Variants in AGO2 observed in about 807,000 individuals in gnomAD.
AGO2 encodes argonaute RISC catalytic component 2, also known as protein argonaute-2.
AGO2 carries 5 observed loss-of-function variants against 102.3 expected under a neutral mutation model. The ratio of observed to expected loss-of-function variants is 0.05; its 90% CI spans 0.03 to 0.10. The LOEUF is 0.10. AGO2 is among the 10% of genes least tolerant of loss of function. The pLI is 1.00. For missense variants in AGO2, 541 were observed against 1,183.7 expected (o/e 0.46, Z 7.97); for synonymous variants, 449 against 473.1 (o/e 0.95, Z 0.66).
At chr8:140,595,993 T>TA (rs1554708973) in intron 1 of AGO2, among the ~76,000 whole-genome samples, 14 of 121,990 alleles carry the variant, frequency 1.1e-4, no homozygotes, top group Admixed American at 8.0e-4. Context: ...AATATATATA[T>TA]TATATATATA....
intron 11 of AGO2, 137 bp downstream of exon 11, chr8:140,551,166 G>C: frequency 1.9e-6 from 2 of 1,074,674 alleles, no homozygotes; most frequent in East Asian, 2.8e-5. Context: ...ACAGGGAAAG[G>C]CTGATGAACC....
At chr8:140,545,222 G>T (rs1035850186) in intron 13 of AGO2, among the ~76,000 whole-genome samples, 6 of 152,142 alleles carry the variant, frequency 3.9e-5, no homozygotes, top group Admixed American at 3.3e-4. Context: ...ATCACTGCTT[G>T]CGCTGGCTCC....
Position 140,556,013 on chromosome 8 carries a change from T to C in AGO2, c.1152A>G (p.Arg384=). The change falls in exon 10 of 19, where the codon CGA becomes CGG. Residue 384 remains arginine, a synonymous_variant. Coordinates refer to ENST00000220592, the MANE Select transcript of AGO2 (RefSeq NM_012154.5). ...ATGGATCTGTGTTGAAACTTGCACT[T>C]CGCATCTGGCAAAGGGAAACAAGAA... ...DRQEEISKLM[R]SASFNTDPYV... 1 of 1,614,152 alleles carries C rather than the reference T, an allele frequency of 6.2e-7. No homozygotes were observed. The highest frequency in any genetic ancestry group is 1.1e-5 in the South Asian group (1 of 91,076).
At position 140,567,840 on chromosome 8, in the gene AGO2, A is replaced by G. The variant is rs2073311968; in HGVS notation, c.336+4972T>C. Among the ~76,000 whole-genome samples, 1 of 152,200 alleles carries G rather than the reference A, an allele frequency of 6.6e-6. No individual in the cohort carries two copies. The highest frequency in any genetic ancestry group is 2.1e-4 in the South Asian group (1 of 4,828). On this transcript the variant is annotated intron_variant, in intron 3 of 18. Coordinates refer to ENST00000220592, the MANE Select transcript of AGO2 (RefSeq NM_012154.5). The surrounding 1 kb of genome is among the most constrained non-coding windows in gnomAD (Gnocchi z 5.0). ...GGGAAAACAGCACTCTAAAGAATGCAAAGAGGCCAGCCTGGGGCTCACGCC... is the reference window on the plus strand; with the variant it reads ...GGGAAAACAGCACTCTAAAGAATGCGAAGAGGCCAGCCTGGGGCTCACGCC...
intron 1 of AGO2, chr8:140,593,327 G>C (rs1293921886): frequency 6.6e-6 from 1 of 152,054 alleles, no homozygotes; most frequent in Admixed American, 6.6e-5. Flanking sequence ...GAGTAGCTGG[G>C]ATTACAGGCG....
chr8:140,607,152 G>A (rs888569747), intron 1 of AGO2, among the ~76,000 whole-genome samples: 2 of 152,042 alleles, frequency 1.3e-5, no homozygotes, highest in African/African-American at 4.8e-5. Flanking sequence ...AGGAGGCTGA[G>A]GCAGGAGAAT....
At position 140,567,429 on chromosome 8, in the gene AGO2, G is replaced by A. The variant is rs1428264997; in HGVS notation, c.337-4795C>T. On this transcript the variant is annotated intron_variant, in intron 3 of 18. Transcript: ENST00000220592. This position sits in a 1 kb window ranked among gnomAD's most constrained non-coding sequence, Gnocchi z 5.0. ...GCCTCTCAACAGCCCAAAGCGCTCG[G>A]TCCCAATGACATGACATCTGAAGGT... Among the ~76,000 whole-genome samples, 1 of 152,236 alleles carries A rather than the reference G, an allele frequency of 6.6e-6. No individual in the cohort carries two copies. The highest frequency in any genetic ancestry group is 1.5e-5 in the Non-Finnish European group (1 of 68,050).
intron 3 of AGO2, among the ~76,000 whole-genome samples, chr8:140,569,570 A>G (rs902937662): frequency 2.0e-5 from 3 of 152,250 alleles, no homozygotes; most frequent in African/African-American, 7.2e-5. Flanking sequence ...AGGGAGCTGC[A>G]GACCTTCCAT....
intron 1 of AGO2, among the ~76,000 whole-genome samples, chr8:140,629,427 C>T (rs935818616): frequency 3.3e-5 from 5 of 152,108 alleles, no homozygotes; most frequent in Non-Finnish European, 5.9e-5. Flanking sequence ...GGATGCTAGT[C>T]ATCCAGGCCA....
chr8:140,611,114 T>C (rs891627914), intron 1 of AGO2, among the ~76,000 whole-genome samples: 1 of 152,086 alleles, frequency 6.6e-6, no homozygotes, highest in African/African-American at 2.4e-5. Context: ...CAGAGCGGCT[T>C]GTGTTTTCCC....
chr8:140,531,610 C>A lies in AGO2; in HGVS notation c.*434G>T. The A allele has an allele frequency of 6.2e-6, 1 of 161,392 alleles. No homozygotes were observed. Among genetic ancestry groups the A allele is most frequent in the South Asian group, 1.6e-4 (1 of 6,268 alleles). The allele number at this position is 161,392 out of a possible 1,614,324, so 10.0% of individuals were successfully genotyped here. On this transcript the variant is annotated 3_prime_UTR_variant, in exon 19 of 19. Coordinates refer to ENST00000220592, the MANE Select transcript of AGO2 (RefSeq NM_012154.5). Reference sequence around the variant, plus strand: ...ATCAGAATGTTCAAGGCTTTAAAACCACACTTGTGTTTTGTGTTGCTTTCA... The same window carrying A: ...ATCAGAATGTTCAAGGCTTTAAAACAACACTTGTGTTTTGTGTTGCTTTCA...
At chr8:140,625,646 T>A (rs902776077) in intron 1 of AGO2, among the ~76,000 whole-genome samples, 5 of 152,168 alleles carry the variant, frequency 3.3e-5, no homozygotes, top group African/African-American at 1.2e-4. Context: ...TTTGCAAAGC[T>A]TCCCAGAGGG....
intron 1 of AGO2, among the ~76,000 whole-genome samples, chr8:140,624,080 C>T (rs1034663206): frequency 6.6e-6 from 1 of 152,020 alleles, no homozygotes; most frequent in Non-Finnish European, 1.5e-5. Context: ...GATGGACCGT[C>T]CCCTCCTGGG....
At chr8:140,622,306 T>C (rs4475457) in intron 1 of AGO2, among the ~76,000 whole-genome samples, 11,601 of 31,864 alleles carry the variant, frequency 0.36, 2,075 homozygotes, top group Admixed American at 0.46. Context: ...GGTCTCCTCT[T>C]GGGGGAATAA....
intron 3 of AGO2, 161 bp downstream of exon 3, chr8:140,572,651 T>C (rs1368497518): frequency 2.0e-6 from 2 of 982,304 alleles, no homozygotes; most frequent in African/African-American, 3.3e-5. Context: ...ACAGAGAAGG[T>C]AGTTTTTATG....
At chr8:140,585,425 C>G in intron 1 of AGO2, 114 bp from the exon 2 acceptor site, 7 of 1,217,310 alleles carry the variant, frequency 5.8e-6, no homozygotes, top group Non-Finnish European at 2.3e-6. Flanking sequence ...CATTCACGTC[C>G]AGGCCAATAT....
chr8:140,535,143 AG>A (rs2072673355), intron 17 of AGO2, among the ~76,000 whole-genome samples: 1 of 152,186 alleles, frequency 6.6e-6, no homozygotes. Flanking sequence ...ACCCCATGGC[AG>A]CCCCAGCGCC....
Position 140,529,700 on chromosome 8 carries a change from G to A in AGO2, c.*2344C>T, listed in dbSNP as rs1310089158. ...GGGTGCCACCAGAGCTGGGTCCTCA[G>A]ACCCCAGGGAGCCCAGGGCTGCAGG... On this transcript the variant is annotated 3_prime_UTR_variant, in exon 19 of 19. Transcript: ENST00000220592. 6.6e-6 allele frequency: 1 copy of A among 152,160 alleles called. No homozygotes were observed. The highest frequency in any genetic ancestry group is 1.5e-5 in the Non-Finnish European group (1 of 68,042). 9.4% of individuals were successfully genotyped at this position (152,160 alleles called of 1,614,324 possible). A position where few individuals can be genotyped will look rare whatever the true frequency, so the allele number is the denominator to read the frequency against.
chr8:140,631,318 G>C (rs1322668701), intron 1 of AGO2, among the ~76,000 whole-genome samples: 1 of 152,154 alleles, frequency 6.6e-6, no homozygotes, highest in African/African-American at 2.4e-5. Flanking sequence ...GAGGCAGGTA[G>C]ATCACCTGAG....
Sources: gnomAD v4.1 joint callset for allele counts (sites outside exome capture counted in the v4.1 genomes callset) on GRCh38, gnomAD v4.1.1 for gene constraint, Gnocchi (gnomAD v3.1) non-coding constraint, MANE v1.5 for transcripts, NCBI Gene and HGNC (gene_info 2026-07-23, HGNC 2026-07-21) for gene names.